The following MACROD2 variants were observed in gnomAD, a reference collection of about 807,000 sequenced individuals.
MACROD2 encodes the protein ADP-ribose glycohydrolase MACROD2.
In MACROD2, 36 loss-of-function variants were observed where a neutral mutation model predicts 70.4. The observed-to-expected ratio is 0.51, with a 90% CI of 0.39 to 0.68. The LOEUF (loss-of-function observed/expected upper bound fraction) is 0.68, where lower values mean the gene tolerates loss of function less well. Among genes scored for constraint, MACROD2 ranks in the 30% least tolerant of loss-of-function variants. The probability of loss-of-function intolerance (pLI) is 0.00; values close to 1 mark genes in which losing one functional copy is unlikely to be tolerated. For missense variants in MACROD2, 496 were observed against 538.4 expected (o/e 0.92, Z 0.78); for synonymous variants, 172 against 178.8 (o/e 0.96, Z 0.30).
At chr20:15,380,780 A>G (rs1041455365) in intron 6 of MACROD2, among the ~76,000 whole-genome samples, 2 of 152,196 alleles carry the variant, frequency 1.3e-5, no homozygotes, top group East Asian at 3.8e-4. Context: ...AAAAATTGAG[A>G]AAATATTAAT....
intron 10 of MACROD2, chr20:15,893,572 C>T: frequency 2.5e-6 from 1 of 397,238 alleles, no homozygotes; most frequent in Non-Finnish European, 5.0e-6. Context: ...ACTAGTACAA[C>T]ATACAATTCA....
At chr20:14,938,886 T>TTTTGAGAA (rs2122700606) in intron 5 of MACROD2, among the ~76,000 whole-genome samples, 1 of 151,950 alleles carries the variant, frequency 6.6e-6, no homozygotes, top group South Asian at 2.1e-4. Flanking sequence ...TGGCCATTTA[T>TTTTGAGAA]GTGTCTTCTT....
At chr20:14,134,170 C>T (rs2054758178) in intron 3 of MACROD2, among the ~76,000 whole-genome samples, 1 of 152,138 alleles carries the variant, frequency 6.6e-6, no homozygotes, top group Non-Finnish European at 1.5e-5. Context: ...GAGAACTCAC[C>T]ATTTAATATG....
At chr20:15,162,592 T>C (rs924325981) in intron 5 of MACROD2, among the ~76,000 whole-genome samples, 2 of 152,128 alleles carry the variant, frequency 1.3e-5, no homozygotes, top group African/African-American at 4.8e-5. Flanking sequence ...TTCAAACCCT[T>C]AGCACAGAAA....
intron 8 of MACROD2, among the ~76,000 whole-genome samples, chr20:15,681,296 T>A (rs1321408843): frequency 6.6e-6 from 1 of 152,216 alleles, no homozygotes; most frequent in Non-Finnish European, 1.5e-5. Context: ...CCTGAGGGCA[T>A]TGTTTTAATG....
intron 8 of MACROD2, among the ~76,000 whole-genome samples, chr20:15,766,573 T>G (rs1227929415): frequency 6.6e-6 from 1 of 152,156 alleles, no homozygotes; most frequent in Non-Finnish European, 1.5e-5. Context: ...GTTAAAGTAT[T>G]TAAGAATCAC....
intron 5 of MACROD2, among the ~76,000 whole-genome samples, chr20:14,899,350 C>T (rs941334005): frequency 2.0e-5 from 3 of 152,156 alleles, no homozygotes; most frequent in Non-Finnish European, 4.4e-5. Context: ...AGAAATATAG[C>T]GTCTCACAGT....
At chr20:15,107,485 TAATG>T (rs1348898010) in intron 5 of MACROD2, among the ~76,000 whole-genome samples, 9 of 152,040 alleles carry the variant, frequency 5.9e-5, no homozygotes, top group Non-Finnish European at 1.0e-4. Flanking sequence ...AACCTTGTGA[TAATG>T]AATAATTCTT....
rs184198783 is a variant in MACROD2, at chr20:14,130,034, C to T, written c.271+44306C>T. 1.5e-4 allele frequency among the ~76,000 whole-genome samples: 23 copies of T among 152,158 alleles called. No homozygotes were observed. In the East Asian group the frequency reaches 3.5e-3, roughly 23 times the overall value. On this transcript the variant is annotated intron_variant, in intron 3 of 17. Coordinates refer to ENST00000684519, the MANE Select transcript of MACROD2 (RefSeq NM_001351661.2). ...GTATCTTTGAGGTATGCCTGTAATT[C>T]GGTGTTCATAAAATATACCCAACTG... is the stretch of plus-strand genomic sequence containing the variant.
At chr20:14,874,111 A>T (rs917817329) in intron 5 of MACROD2, among the ~76,000 whole-genome samples, 1 of 152,062 alleles carries the variant, frequency 6.6e-6, no homozygotes, top group Non-Finnish European at 1.5e-5. Context: ...GAATATATTT[A>T]TATCTGTCTT....
intron 7 of MACROD2, among the ~76,000 whole-genome samples, chr20:15,494,776 TGCGCGC>T (rs1555829397): frequency 7.6e-6 from 1 of 131,888 alleles, no homozygotes; most frequent in East Asian, 3.2e-4. Context: ...CGTGTGTGTG[TGCGCGC>T]GTGTGTGCAG....
At chr20:14,893,355 T>C (rs2073787663) in intron 5 of MACROD2, 1 of 152,096 alleles carries the variant, frequency 6.6e-6, no homozygotes, top group Non-Finnish European at 1.5e-5. Context: ...CCATGTTTAA[T>C]TTTTTTGAGG....
chr20:15,126,383 C>T (rs2076067291), intron 5 of MACROD2, among the ~76,000 whole-genome samples: 1 of 151,826 alleles, frequency 6.6e-6, no homozygotes, highest in African/African-American at 2.4e-5. Flanking sequence ...TATAGCCACC[C>T]TAGTAGGTGT....
intron 4 of MACROD2, among the ~76,000 whole-genome samples, chr20:14,590,433 A>T (rs1294057713): frequency 1.3e-5 from 2 of 152,208 alleles, no homozygotes; most frequent in African/African-American, 4.8e-5. Context: ...AGAAGAGATT[A>T]TGATGCTGTG....
chr20:14,154,108 T>C (rs145978103), intron 3 of MACROD2, among the ~76,000 whole-genome samples: 1 of 152,374 alleles, frequency 6.6e-6, no homozygotes, highest in East Asian at 1.9e-4. Flanking sequence ...ATCTACTAAA[T>C]ATTTAAAAGG....
intron 5 of MACROD2, among the ~76,000 whole-genome samples, chr20:15,019,076 C>T (rs542698246): frequency 1.3e-4 from 20 of 152,312 alleles, no homozygotes; most frequent in African/African-American, 2.9e-4. Flanking sequence ...CTAATACAGA[C>T]GCCTTGCTAG....
intron 4 of MACROD2, among the ~76,000 whole-genome samples, chr20:14,571,602 A>G (rs564912594): frequency 1.0e-3 from 159 of 152,212 alleles, no homozygotes; most frequent in South Asian, 1.9e-3. Flanking sequence ...TGCGTAGCAA[A>G]GAAAATTCAT....
chr20:15,684,118 C>T (rs1362885197), intron 8 of MACROD2, among the ~76,000 whole-genome samples: 1 of 152,092 alleles, frequency 6.6e-6, no homozygotes, highest in African/African-American at 2.4e-5. Flanking sequence ...TCTTCTATCC[C>T]ATTCCTTCCT....
At chr20:15,654,824 A>G (rs953919866) in intron 8 of MACROD2, among the ~76,000 whole-genome samples, 7 of 152,244 alleles carry the variant, frequency 4.6e-5, no homozygotes, top group Non-Finnish European at 8.8e-5. Flanking sequence ...AACCTGCCAC[A>G]GAAATAAAAT....
Sources: allele counts gnomAD v4.1 joint callset (sites outside exome capture counted in the v4.1 genomes callset), GRCh38; gene constraint gnomAD v4.1.1; transcripts MANE v1.5; gene names NCBI Gene and HGNC (gene_info 2026-07-23, HGNC 2026-07-21).